DMD: variants seen among roughly 807,000 people sequenced by gnomAD.
DMD encodes mutant dystrophin.
Under a neutral mutation model 330.1 loss-of-function variants are expected in DMD, and 63 were observed. That is an observed-to-expected ratio of 0.19 (90% CI 0.16 to 0.24). The LOEUF (loss-of-function observed/expected upper bound fraction) is 0.24, where lower values mean the gene tolerates loss of function less well. DMD is among the 10% of genes least tolerant of loss of function. DMD has a pLI of 1.00. For synonymous variants in DMD, 1,223 were observed against 959.8 expected, an observed-to-expected ratio of 1.27 and a Z score of -5.07; for missense variants, 3,344 against 2,684.1, an observed-to-expected ratio of 1.25 and a Z score of -5.43.
chrX:33,022,290 T>C (rs1187767252), intron 1 of DMD, among the ~76,000 whole-genome samples: 1 of 110,931 alleles, frequency 9.0e-6, no homozygotes, highest in African/African-American at 3.3e-5. Flanking sequence ...CGTAGTAGAA[T>C]AAAATTTTTA....
intron 43 of DMD, among the ~76,000 whole-genome samples, chrX:32,275,062 C>G (rs2097380615): frequency 9.0e-6 from 1 of 111,615 alleles, no homozygotes; most frequent in Non-Finnish European, 1.9e-5. Context: ...AATGCAATGA[C>G]TGGCCAGTGA....
intron 44 of DMD, among the ~76,000 whole-genome samples, chrX:32,157,318 C>G (rs1376191184): frequency 8.9e-6 from 1 of 112,006 alleles, no homozygotes; most frequent in Non-Finnish European, 1.9e-5. Context: ...AGCCTCACCA[C>G]ATATATCTAC....
chrX:33,177,130 G>A (rs2049710704), intron 1 of DMD, among the ~76,000 whole-genome samples: 1 of 111,262 alleles, frequency 9.0e-6, no homozygotes. Flanking sequence ...TTGGACTCTT[G>A]TACTTTCAGT....
At chrX:32,891,300 C>G (rs1177124285) in intron 2 of DMD, among the ~76,000 whole-genome samples, 1 of 111,686 alleles carries the variant, frequency 9.0e-6, no homozygotes, top group Non-Finnish European at 1.9e-5. Flanking sequence ...CCCTCATATA[C>G]AGAGGGCAGG....
intron 43 of DMD, among the ~76,000 whole-genome samples, chrX:32,276,903 G>T (rs2148387844): frequency 9.1e-6 from 1 of 109,891 alleles, no homozygotes; most frequent in East Asian, 2.9e-4. Context: ...CTGGGCAACA[G>T]AGTGAGATGC....
intron 7 of DMD, among the ~76,000 whole-genome samples, chrX:32,713,367 G>A (rs908040179): frequency 6.3e-5 from 7 of 111,153 alleles, no homozygotes; most frequent in Admixed American, 1.9e-4. Context: ...GCATTAAGCT[G>A]GTGGGAAGTA....
At chrX:31,539,866 T>C (rs1463585276) in intron 55 of DMD, among the ~76,000 whole-genome samples, 1 of 111,668 alleles carries the variant, frequency 9.0e-6, no homozygotes, top group Non-Finnish European at 1.9e-5. Context: ...AAAGACATAG[T>C]CCCTATCTTT....
At chrX:32,877,788 A>C (rs1277708309) in intron 2 of DMD, among the ~76,000 whole-genome samples, 1 of 111,904 alleles carries the variant, frequency 8.9e-6, no homozygotes, top group African/African-American at 3.3e-5. Flanking sequence ...TGGAATACAA[A>C]AGCCCAGCTC....
intron 52 of DMD, among the ~76,000 whole-genome samples, chrX:31,726,010 A>T (rs2086018528): frequency 2.7e-5 from 3 of 112,285 alleles, no homozygotes. Flanking sequence ...CCCCTGACCC[A>T]GCCCTTTTGC....
chrX:31,812,765 C>A (rs756093863), intron 50 of DMD, among the ~76,000 whole-genome samples: 107 of 111,557 alleles, frequency 9.6e-4, no homozygotes, highest in Admixed American at 2.6e-3. Flanking sequence ...TTTTTGAATA[C>A]CCACTCTGTC....
chrX:31,746,700 G>T (rs1430615042), intron 51 of DMD, among the ~76,000 whole-genome samples: 1 of 111,079 alleles, frequency 9.0e-6, no homozygotes, highest in East Asian at 2.8e-4. Flanking sequence ...GAACAACCAT[G>T]TGTTCACCTT....
intron 55 of DMD, among the ~76,000 whole-genome samples, chrX:31,548,143 G>C (rs941222491): frequency 6.3e-5 from 7 of 111,829 alleles, no homozygotes; most frequent in Admixed American, 1.9e-4. Flanking sequence ...ACCAGGTCTT[G>C]GGGCTTTTGA....
At chrX:33,025,868 A>G (rs1310448692) in intron 1 of DMD, among the ~76,000 whole-genome samples, 1 of 111,851 alleles carries the variant, frequency 8.9e-6, no homozygotes, top group African/African-American at 3.3e-5. Flanking sequence ...CTAGAAAAAC[A>G]TTTTTTAAAT....
chrX:32,240,040 G>C (rs1031199987), intron 43 of DMD, among the ~76,000 whole-genome samples: 1 of 110,979 alleles, frequency 9.0e-6, no homozygotes, highest in East Asian at 2.8e-4. Context: ...GTTGGTTTCT[G>C]TCTTCCATCT....
chrX:31,191,471 C>T (rs762420171), intron 67 of DMD, among the ~76,000 whole-genome samples: 2 of 111,405 alleles, frequency 1.8e-5, no homozygotes, highest in African/African-American at 3.3e-5. Flanking sequence ...TCCCACATGT[C>T]GTGGGAGGAG....
chrX:31,799,226 G>A (rs948408196), intron 50 of DMD, among the ~76,000 whole-genome samples: 5 of 112,222 alleles, frequency 4.5e-5, no homozygotes, highest in African/African-American at 1.3e-4. Context: ...GATGTTGGTT[G>A]TATTAGTCTG....
At chrX:32,151,769 C>T (rs1161976519) in intron 44 of DMD, among the ~76,000 whole-genome samples, 1 of 111,850 alleles carries the variant, frequency 8.9e-6, no homozygotes, top group Non-Finnish European at 1.9e-5. Context: ...TACTTATCCT[C>T]ATCTATTTTA....
chrX:32,252,955 AATAT>A (rs994594700), intron 43 of DMD, among the ~76,000 whole-genome samples: 3 of 90,913 alleles, frequency 3.3e-5, no homozygotes, highest in African/African-American at 1.2e-4. Flanking sequence ...AATATATATA[AATAT>A]ATATATGTTT....
chrX:32,681,530 G>A (rs777041515), intron 9 of DMD, among the ~76,000 whole-genome samples: 103 of 111,452 alleles, frequency 9.2e-4, no homozygotes, highest in Non-Finnish European at 1.6e-3. Context: ...GCTGCAGCAG[G>A]GTTTATATTG....
Sources: allele counts gnomAD v4.1 joint callset (sites outside exome capture counted in the v4.1 genomes callset), GRCh38; gene constraint gnomAD v4.1.1; transcripts MANE v1.5; gene names NCBI Gene and HGNC (gene_info 2026-07-23, HGNC 2026-07-21).